The following ENTPD5 variants were observed in gnomAD, a reference collection of about 807,000 sequenced individuals.
ENTPD5 encodes nucleoside diphosphate phosphatase ENTPD5.
A neutral mutation model predicts 60.2 loss-of-function variants in ENTPD5; 49 were observed. That is an observed-to-expected ratio of 0.81 (90% CI 0.65 to 1.03). The LOEUF (loss-of-function observed/expected upper bound fraction) is 1.03. ENTPD5 is among the 50% of genes least tolerant of loss of function. The probability of loss-of-function intolerance (pLI) is 0.00; values close to 1 mark genes in which losing one functional copy is unlikely to be tolerated. For missense variants in ENTPD5, 480 were observed against 507.6 expected, an observed-to-expected ratio of 0.95 and a Z score of 0.52; for synonymous variants, 187 against 185.4, an observed-to-expected ratio of 1.01 and a Z score of -0.07.
In ENTPD5 at chr14:73,976,011, G is replaced by A. The variant is rs138322972; in HGVS notation, c.647C>T (p.Thr216Ile). 1.9e-3 allele frequency: 3,000 copies of A among 1,612,830 alleles called. 5 individuals carry two copies. The highest frequency in any genetic ancestry group is 2.2e-3 in the Non-Finnish European group (2,650 of 1,179,546). ...GTAGCCCCTAGGAGTTTGTTCCAGAGTTTTCTGCAAATCAGAAAAAGCAAA... is the reference window on the plus strand; with the variant it reads ...GTAGCCCCTAGGAGTTTGTTCCAGAATTTTCTGCAAATCAGAAAAAGCAAA... The part of the protein sequence containing the change: ...QITFLPQFEK[T>I]LEQTPRGYLT... Residue 216 changes from threonine (T) to isoleucine (I), a missense_variant, in exon 10 of 16, where the codon ACT (threonine) becomes ATT (isoleucine). By Grantham distance (89) the Thr-to-Ile change is moderately conservative. Coordinates refer to ENST00000334696, the MANE Select transcript of ENTPD5 (RefSeq NM_001249.5).
At chr14:74,000,273 A>T (rs952860380) in intron 3 of ENTPD5, among the ~76,000 whole-genome samples, 1 of 151,494 alleles carries the variant, frequency 6.6e-6, no homozygotes, top group African/African-American at 2.4e-5. Flanking sequence ...CCTGGGCAAC[A>T]TGATGAAACC....
At chr14:74,013,506 T>A (rs866705810) in intron 2 of ENTPD5, among the ~76,000 whole-genome samples, 38 of 152,086 alleles carry the variant, frequency 2.5e-4, no homozygotes, top group African/African-American at 8.5e-4. Context: ...GATTTTTTTT[T>A]AAGCTCATCA....
chr14:73,978,628 C>CA (rs1259477928), intron 6 of ENTPD5, among the ~76,000 whole-genome samples: 2 of 129,746 alleles, frequency 1.5e-5, no homozygotes, highest in African/African-American at 5.3e-5. Context: ...AACAAAACGC[C>CA]AAAAAACAAA....
chr14:73,958,229 G>A (rs1057519349), downstream of ENTPD5: 2 of 1,613,902 alleles, frequency 1.2e-6, no homozygotes, highest in African/African-American at 2.7e-5. Context: ...CCAGCCCTTG[G>A]GTTCATATTA....
downstream of ENTPD5, chr14:73,958,777 T>C: frequency 6.7e-7 from 1 of 1,491,836 alleles, no homozygotes; most frequent in Non-Finnish European, 8.9e-7. Context: ...CATGTCCAGC[T>C]TTGGCTCTGT....
At chr14:74,001,379 A>G (rs1287029220) in intron 3 of ENTPD5, among the ~76,000 whole-genome samples, 2 of 151,838 alleles carry the variant, frequency 1.3e-5, no homozygotes, top group East Asian at 3.9e-4. Flanking sequence ...GCGGGTGCCT[A>G]TAGTCCCAGC....
At chr14:73,959,354 C>T (rs752917935), downstream of ENTPD5, 3 of 1,614,146 alleles carry the variant, frequency 1.9e-6, no homozygotes, top group South Asian at 3.3e-5. Flanking sequence ...TCTTTTTATG[C>T]TTGAGAGTTT....
Position 73,972,871 on chromosome 14 carries a change from G to A in ENTPD5, c.1027+13C>T, listed in dbSNP as rs771687673. On this transcript the variant is annotated intron_variant, in intron 13 of 15. Coordinates refer to ENST00000334696, the MANE Select transcript of ENTPD5 (RefSeq NM_001249.5). ...CACCTTCCTCTCTGGACTGACACCT[G>A]GGGTGAACTCACCAATCATGTCTGT... is the stretch of plus-strand genomic sequence containing the variant. The A allele has an allele frequency of 6.2e-7, 1 of 1,613,516 alleles. No homozygotes were observed. The highest frequency in any genetic ancestry group is 8.5e-7 in the Non-Finnish European group (1 of 1,179,598).
intron 3 of ENTPD5, among the ~76,000 whole-genome samples, chr14:73,988,968 G>A (rs2058021789): frequency 6.6e-6 from 1 of 152,058 alleles, no homozygotes; most frequent in Non-Finnish European, 1.5e-5. Flanking sequence ...GGATTACAGG[G>A]ACCCACCACC....
At chr14:73,959,940 G>A (rs929790338), downstream of ENTPD5, 1 of 1,146,494 alleles carries the variant, frequency 8.7e-7, no homozygotes, top group African/African-American at 1.6e-5. Context: ...TAACTATAAT[G>A]CTTGGTCTAG....
intron 3 of ENTPD5, among the ~76,000 whole-genome samples, chr14:73,989,971 C>T (rs1326416289): frequency 2.0e-5 from 3 of 151,914 alleles, no homozygotes. Flanking sequence ...CGCCCCACTA[C>T]ATTCCAGCTT....
At position 73,964,080 on chromosome 14, in the gene ENTPD5, C is replaced by CT. The variant is rs2056874721; in HGVS notation, c.*2847dup. ...GCGGAGACTGCAGGGACAAGGTCAT[C>CT]TTTCACAAAAAATGGAAAGGTGGCC... On this transcript the variant is annotated 3_prime_UTR_variant, in exon 16 of 16. Coordinates refer to ENST00000334696, the MANE Select transcript of ENTPD5 (RefSeq NM_001249.5). The CT allele has an allele frequency of 6.6e-6, 1 of 152,160 alleles. No individual in the cohort carries two copies. Among genetic ancestry groups the CT allele is most frequent in the South Asian group, 2.1e-4 (1 of 4,828 alleles). 9.4% of individuals were successfully genotyped at this position (152,160 alleles called of 1,614,324 possible). A position where few individuals can be genotyped will look rare whatever the true frequency, so the allele number is the denominator to read the frequency against.
At chr14:73,960,266 G>T, downstream of ENTPD5, 8 of 986,426 alleles carry the variant, frequency 8.1e-6, 1 homozygote, top group South Asian at 3.3e-4. Flanking sequence ...TAACTGCTCA[G>T]GATTGAATAA....
chr14:73,987,252 A>T (rs1358620267), intron 4 of ENTPD5: 2 of 663,652 alleles, frequency 3.0e-6, no homozygotes, highest in Admixed American at 2.2e-5. Context: ...TCCCAAAACC[A>T]CTCCCCATAT....
At chr14:73,956,042 T>TA (rs2056414168), downstream of ENTPD5, 1 of 1,509,590 alleles carries the variant, frequency 6.6e-7, no homozygotes, top group East Asian at 2.3e-5. Context: ...AATCCTCTGA[T>TA]GGCCGGGTGC....
At chr14:73,961,461 A>G, downstream of ENTPD5, 1 of 1,614,208 alleles carries the variant, frequency 6.2e-7, no homozygotes, top group Non-Finnish European at 8.5e-7. Context: ...TTAGGGATGC[A>G]GCCCACAGAG....
rs556745435 is a variant in ENTPD5, at chr14:74,015,072, C to T, written c.-131+752G>A. ...CTCCAGCCTGGGCGACAGAGCAAGA[C>T]TACCTCTCAAAAAAAAAAAAAAAGA... On this transcript the variant is annotated intron_variant, in intron 2 of 15. Coordinates refer to ENST00000334696, the MANE Select transcript of ENTPD5 (RefSeq NM_001249.5). Among the ~76,000 whole-genome samples the T allele has an allele frequency of 1.9e-3, 241 of 124,124 alleles. 2 individuals are homozygous for T. The highest frequency in any genetic ancestry group is 3.5e-3 in the Admixed American group (42 of 12,030). The allele number at this position is 124,124 out of a possible 152,430, so 81.4% of individuals were successfully genotyped here. A position where few individuals can be genotyped will look rare whatever the true frequency, so the allele number is the denominator to read the frequency against.
In ENTPD5 at chr14:73,995,585, A is replaced by AAATAATAATAATAAT. The variant is rs34846091; in HGVS notation, c.-70-7428_-70-7414dup. ...CAGTGATAGAGAGAGACTCTATCTCAAATAATAATAATAATAATAATAATA... is the reference window on the plus strand; with the variant it reads ...CAGTGATAGAGAGAGACTCTATCTCAAATAATAATAATAATAATAATAATAATAATAATAATAATA... On this transcript the variant is annotated intron_variant, in intron 3 of 15. Transcript: ENST00000334696. 5.9e-3 allele frequency among the ~76,000 whole-genome samples: 858 copies of AAATAATAATAATAAT among 144,210 alleles called. 16 individuals are homozygous for AAATAATAATAATAAT. Among genetic ancestry groups the AAATAATAATAATAAT allele is most frequent in the South Asian group, 0.037 (164 of 4,454 alleles). 94.6% of individuals were successfully genotyped at this position (144,210 alleles called of 152,430 possible).
chr14:73,975,853 A>T (rs2057418944), intron 10 of ENTPD5, 83 bp downstream of exon 10: 3 of 1,189,896 alleles, frequency 2.5e-6, no homozygotes, highest in Non-Finnish European at 3.6e-6. Flanking sequence ...CTAATCAGAT[A>T]CAATAACAGA....
Sources: allele counts gnomAD v4.1 joint callset (sites outside exome capture counted in the v4.1 genomes callset), GRCh38; gene constraint gnomAD v4.1.1; transcripts MANE v1.5; gene names NCBI Gene and HGNC (gene_info 2026-07-23, HGNC 2026-07-21).